SPATA3: variants seen among roughly 807,000 people sequenced by gnomAD.
The protein encoded by SPATA3 is spermatogenesis-associated protein 3.
A neutral mutation model predicts 5.7 loss-of-function variants in SPATA3; 6 were observed. The observed-to-expected ratio is 1.06, with a 90% CI of 0.58 to 2.09. The LOEUF is 2.09. Among genes scored for constraint, SPATA3 ranks in the 30% most tolerant of loss-of-function variants. The pLI is 0.00. For synonymous variants in SPATA3, 44 were observed against 48.4 expected, an observed-to-expected ratio of 0.91 and a Z score of 0.37; for missense variants, 155 against 130.4, an observed-to-expected ratio of 1.19 and a Z score of -0.92.
Position 230,996,543 on chromosome 2 carries a change from T to C in SPATA3, c.791-3823T>C, listed in dbSNP as rs1307976296. ...TCAATCCAGGAAAGCAGGTGGGCTGTCTTCTAGCTTCAGCAGTTCCAGCCT... is the reference window on the plus strand; with the variant it reads ...TCAATCCAGGAAAGCAGGTGGGCTGCCTTCTAGCTTCAGCAGTTCCAGCCT... On this transcript the variant is annotated intron_variant, in intron 1 of 2. Transcript: ENST00000645363. 1 of 1,550,686 alleles carries C rather than the reference T, an allele frequency of 6.4e-7. No homozygotes were observed. The highest frequency in any genetic ancestry group is 8.7e-7 in the Non-Finnish European group (1 of 1,146,422).
At chr2:231,001,166 C>T (rs1368674649) in intron 2 of SPATA3, among the ~76,000 whole-genome samples, 1 of 152,274 alleles carries the variant, frequency 6.6e-6, no homozygotes, top group South Asian at 2.1e-4. Context: ...CTTCCTTCCT[C>T]TTCCCAAAAA....
downstream of SPATA3, among the ~76,000 whole-genome samples, chr2:231,011,531 A>G (rs1358370423): frequency 2.0e-5 from 3 of 152,240 alleles, no homozygotes; most frequent in Admixed American, 6.5e-5. Flanking sequence ...CCAGGGACAC[A>G]GGACCAGATG....
chr2:231,006,457 C>T (rs371720677), downstream of SPATA3, among the ~76,000 whole-genome samples: 2 of 149,788 alleles, frequency 1.3e-5, no homozygotes, highest in Admixed American at 6.6e-5. Context: ...GAGCCGAGAT[C>T]GCACCATTGC....
chr2:230,996,585 C>A (rs1201250774), intron 1 of SPATA3, 51 bp downstream of exon 1: 3 of 1,531,984 alleles, frequency 2.0e-6, no homozygotes, highest in Non-Finnish European at 2.6e-6. Context: ...TGATGGAGTT[C>A]TGGGTCATCC....
At chr2:231,018,864 T>C (rs1034750650) in intron 6 of SPATA3, among the ~76,000 whole-genome samples, 1 of 152,002 alleles carries the variant, frequency 6.6e-6, no homozygotes, top group East Asian at 1.9e-4. Flanking sequence ...TTTTGTATTT[T>C]TAGTAGAGAT....
chr2:231,016,506 CAAAAAA>C (rs749712082), intron 6 of SPATA3, among the ~76,000 whole-genome samples: 1 of 70,078 alleles, frequency 1.4e-5, no homozygotes, highest in Non-Finnish European at 2.9e-5. Context: ...CCTGTCTCTA[CAAAAAA>C]AAAAAAAAAA....
intron 1 of SPATA3, chr2:230,996,294 C>T (rs1338746261): frequency 6.4e-7 from 1 of 1,551,746 alleles, no homozygotes; most frequent in Non-Finnish European, 8.7e-7. Flanking sequence ...CACCTCCCAG[C>T]ATGCTAGCTC....
downstream of SPATA3, among the ~76,000 whole-genome samples, chr2:231,005,529 CCATCAT>C (rs1692583523): frequency 5.3e-5 from 1 of 19,032 alleles, no homozygotes; most frequent in African/African-American, 1.8e-4. Flanking sequence ...ACCACCACCA[CCATCAT>C]CACCACCATC....
intron 6 of SPATA3, among the ~76,000 whole-genome samples, chr2:231,015,257 C>CTTT (rs35102459): frequency 0.053 from 4,952 of 93,930 alleles, 414 homozygotes; most frequent in African/African-American, 0.17. Context: ...ATCGTTTTGG[C>CTTT]TTTTTTTTTT....
At chr2:231,002,998 T>C (rs190417560), downstream of SPATA3, among the ~76,000 whole-genome samples, 39 of 152,228 alleles carry the variant, frequency 2.6e-4, no homozygotes, top group Non-Finnish European at 5.1e-4. Context: ...GACTCATTAT[T>C]ACAATCATCT....
chr2:231,018,954 C>G (rs936779102), intron 6 of SPATA3, among the ~76,000 whole-genome samples: 1 of 142,898 alleles, frequency 7.0e-6, no homozygotes, highest in Non-Finnish European at 1.5e-5. Flanking sequence ...CGTGCCTGGC[C>G]TGATTTTTCT....
intron 6 of SPATA3, among the ~76,000 whole-genome samples, chr2:231,016,102 G>A (rs1398685519): frequency 6.6e-6 from 1 of 150,952 alleles, no homozygotes; most frequent in Non-Finnish European, 1.5e-5. Context: ...CTTTCATTCA[G>A]TGCTAGCTTA....
chr2:231,011,265 C>T (rs1360146005), downstream of SPATA3, among the ~76,000 whole-genome samples: 1 of 152,068 alleles, frequency 6.6e-6, no homozygotes, highest in Non-Finnish European at 1.5e-5. Context: ...CAAGCATACG[C>T]CACCACATCT....
At chr2:231,000,772 T>C (rs1692324491) in intron 2 of SPATA3, among the ~76,000 whole-genome samples, 1 of 152,162 alleles carries the variant, frequency 6.6e-6, no homozygotes, top group African/African-American at 2.4e-5. Flanking sequence ...GCCAGTTTTC[T>C]TCCTCACTGG....
At chr2:231,019,146 T>C (rs1477224033) in intron 6 of SPATA3, among the ~76,000 whole-genome samples, 1 of 150,976 alleles carries the variant, frequency 6.6e-6, no homozygotes, top group Non-Finnish European at 1.5e-5. Context: ...TTTTTTTGTA[T>C]TTTTAGTAGA....
chr2:231,008,086 A>G (rs1297294826), downstream of SPATA3, among the ~76,000 whole-genome samples: 1 of 152,236 alleles, frequency 6.6e-6, no homozygotes, highest in Non-Finnish European at 1.5e-5. Context: ...TGCAGTGGCC[A>G]TTGAGGGCAG....
At position 231,000,490 on chromosome 2, in the gene SPATA3, G is replaced by A; in HGVS notation, c.915G>A (p.Trp305Ter). ...TCGATGTCCTTCTGCCTCGGGACTG[G>A]CAGATGGCGCCAGGGAGAGGACTCC... Residue 305 changes from tryptophan (W) to a stop codon, truncating the protein, a stop_gained, in exon 2 of 3, where the codon TGG (tryptophan) becomes TGA (stop). Coordinates refer to ENST00000645363, the Ensembl canonical transcript of SPATA3. LOFTEE classifies it high-confidence loss of function. 1 of 1,548,942 alleles carries A rather than the reference G, an allele frequency of 6.5e-7. No individual in the cohort carries two copies. The highest frequency in any genetic ancestry group is 1.4e-5 in the African/African-American group (1 of 73,102).
chr2:231,001,442 C>T (rs1288705914), intron 2 of SPATA3, among the ~76,000 whole-genome samples: 3 of 152,094 alleles, frequency 2.0e-5, no homozygotes, highest in Non-Finnish European at 4.4e-5. Flanking sequence ...CTCTTCCCTA[C>T]CCAATCCCCT....
chr2:231,009,602 T>C (rs1692731193), downstream of SPATA3, among the ~76,000 whole-genome samples: 2 of 152,190 alleles, frequency 1.3e-5, no homozygotes, highest in Admixed American at 6.5e-5. Context: ...GGCCTTGCAT[T>C]GTGGCTCACG....
Sources: gnomAD v4.1 joint callset for allele counts (sites outside exome capture counted in the v4.1 genomes callset) on GRCh38, gnomAD v4.1.1 for gene constraint, MANE v1.5 for transcripts, NCBI Gene and HGNC (gene_info 2026-07-23, HGNC 2026-07-21) for gene names.